Variants in DST observed in about 807,000 individuals in gnomAD.
DST encodes dystonin, also known as bullous pemphigoid antigen.
DST carries 253 observed loss-of-function variants against 875.2 expected under a neutral mutation model. The observed-to-expected ratio is 0.29, with a 90% CI of 0.26 to 0.32. DST has a LOEUF of 0.32. Among genes scored for constraint, DST ranks in the 10% least tolerant of loss-of-function variants. The pLI is 1.00. For synonymous variants in DST, 3,124 were observed against 3,197.1 expected (o/e 0.98, Z 0.77); for missense variants, 8,287 against 9,111.6 (o/e 0.91, Z 3.68).
intron 4 of DST, among the ~76,000 whole-genome samples, chr6:56,739,447 T>C (rs1351741930): frequency 6.6e-6 from 1 of 152,132 alleles, no homozygotes; most frequent in Non-Finnish European, 1.5e-5. Context: ...CTCTTCATCC[T>C]AGCATCTATC....
Position 56,553,225 on chromosome 6 carries a change from C to T in DST, c.15567G>A (p.Leu5189=). ...WPWIDKCQNN[L]EEIKFCLDPA... is the part of the protein sequence containing the mutation. The stretch of plus-strand genomic sequence containing the variant: ...GATCCAAGCAAAATTTTATTTCCTC[C>T]AGGTTGTTTTGGCATTTGTCTATCC... Residue 5189 remains leucine (L), a synonymous_variant, in exon 61 of 104, where the codon CTG becomes CTA. Coordinates refer to ENST00000680361, the MANE Select transcript of DST (RefSeq NM_001374736.1). The T allele has an allele frequency of 6.2e-7, 1 of 1,613,876 alleles. No individual in the cohort carries two copies. The highest frequency in any genetic ancestry group is 8.5e-7 in the Non-Finnish European group (1 of 1,179,892).
At chr6:56,572,713 C>T in intron 52 of DST, 34 bp downstream of exon 52, 1 of 1,483,296 alleles carries the variant, frequency 6.7e-7, no homozygotes, top group Non-Finnish European at 9.0e-7. Context: ...ATTAATCTAT[C>T]TGATTAGCCT....
At chr6:56,535,049 G>C in intron 63 of DST, 73 bp downstream of exon 63, 2 of 1,544,018 alleles carry the variant, frequency 1.3e-6, no homozygotes, top group Non-Finnish European at 1.8e-6. Context: ...AATTAAAAGA[G>C]TCACAATTTG....
At chr6:56,481,483 T>G (rs943890252) in intron 90 of DST, among the ~76,000 whole-genome samples, 1 of 152,250 alleles carries the variant, frequency 6.6e-6, no homozygotes, top group Non-Finnish European at 1.5e-5. Context: ...CAATAGAATA[T>G]TGGCTTATGA....
At chr6:56,774,921 G>A (rs2099675222) in intron 4 of DST, among the ~76,000 whole-genome samples, 1 of 151,344 alleles carries the variant, frequency 6.6e-6, no homozygotes, top group Admixed American at 6.6e-5. Flanking sequence ...GAACCCGGGA[G>A]GCAGAGGTTG....
chr6:56,467,718 T>C (rs1308523021), intron 98 of DST, among the ~76,000 whole-genome samples: 1 of 152,142 alleles, frequency 6.6e-6, no homozygotes, highest in African/African-American at 2.4e-5. Flanking sequence ...TCAAGTGTAA[T>C]GAATACAAAT....
intron 4 of DST, chr6:56,843,174 A>T (rs759293823): frequency 6.5e-7 from 1 of 1,535,776 alleles, no homozygotes; most frequent in South Asian, 1.3e-5. Context: ...GATGACTGAC[A>T]AATTCCCCTC....
chr6:56,773,645 A>C lies in DST; in HGVS notation c.626-38356T>G, dbSNP rs187421872. Among the ~76,000 whole-genome samples the C allele has an allele frequency of 9.2e-5, 14 of 152,302 alleles. 1 individual carries two copies. In the East Asian group the frequency reaches 2.7e-3, roughly 29 times the overall value. On this transcript the variant is annotated intron_variant, in intron 4 of 103. Transcript: ENST00000680361. Reference sequence around the variant, plus strand: ...TGCTGCCATGTGAGTATGTGGGCCCAGTGTTGCCAGATCACCTGCTTTTAT... The same window carrying C: ...TGCTGCCATGTGAGTATGTGGGCCCCGTGTTGCCAGATCACCTGCTTTTAT...
chr6:56,818,993 T>C (rs896761749), intron 4 of DST, among the ~76,000 whole-genome samples: 12 of 152,246 alleles, frequency 7.9e-5, no homozygotes, highest in African/African-American at 2.6e-4. Context: ...TTCCCACCTT[T>C]ACCCTTACTG....
chr6:56,909,089 C>T (rs1797757975), intron 2 of DST, among the ~76,000 whole-genome samples: 1 of 152,120 alleles, frequency 6.6e-6, no homozygotes, highest in Admixed American at 6.5e-5. Flanking sequence ...ATCCAAGAAC[C>T]CTCTCTGGGG....
chr6:56,819,094 T>C (rs558829192), intron 4 of DST, among the ~76,000 whole-genome samples: 1 of 152,298 alleles, frequency 6.6e-6, no homozygotes, highest in African/African-American at 2.4e-5. Flanking sequence ...ACACTTCCTT[T>C]AAGCCATTTC....
intron 43 of DST, among the ~76,000 whole-genome samples, chr6:56,602,624 TAA>T (rs1204116721): frequency 6.6e-6 from 1 of 151,922 alleles, no homozygotes; most frequent in Non-Finnish European, 1.5e-5. Flanking sequence ...GACTAACACA[TAA>T]ATAAATATAT....
chr6:56,712,878 T>C (rs1327728462), intron 5 of DST, among the ~76,000 whole-genome samples: 33 of 152,348 alleles, frequency 2.2e-4, no homozygotes, highest in South Asian at 2.1e-4. Context: ...TCCTCCCAGC[T>C]AATGACTCTC....
chr6:56,811,183 CAAAAAAAAAA>C (rs371256050), intron 4 of DST, among the ~76,000 whole-genome samples: 8 of 33,332 alleles, frequency 2.4e-4, no homozygotes, highest in Admixed American at 9.2e-4. Flanking sequence ...GACCCTGTCT[CAAAAAAAAAA>C]AAAAAAAAAA....
Position 56,824,219 on chromosome 6 carries a change from C to T in DST, c.625+27178G>A, listed in dbSNP as rs772120871. Among the ~76,000 whole-genome samples the T allele has an allele frequency of 3.3e-5, 5 of 152,220 alleles. No homozygotes were observed. The East Asian group carries it at 5.8e-4, about 18-fold the overall frequency. On this transcript the variant is annotated intron_variant, in intron 4 of 103. Coordinates refer to ENST00000680361, the MANE Select transcript of DST (RefSeq NM_001374736.1). The stretch of plus-strand genomic sequence containing the variant: ...GGAGACAGGGTTTCGCTTTGTTGGC[C>T]GGGCTGGTCTCCAGCTCCTAACCGC...
chr6:56,547,918 T>C (rs944616378), intron 61 of DST, among the ~76,000 whole-genome samples: 1 of 152,224 alleles, frequency 6.6e-6, no homozygotes, highest in African/African-American at 2.4e-5. Flanking sequence ...CTGCTCAATG[T>C]AATTCTATGT....
intron 4 of DST, among the ~76,000 whole-genome samples, chr6:56,832,117 T>C (rs2099787846): frequency 6.6e-6 from 1 of 152,204 alleles, no homozygotes; most frequent in Non-Finnish European, 1.5e-5. Context: ...AGTCCTGCTT[T>C]AGACCTTCCA....
intron 59 of DST, among the ~76,000 whole-genome samples, chr6:56,556,342 G>A (rs1302893119): frequency 2.6e-5 from 4 of 152,062 alleles, no homozygotes; most frequent in Non-Finnish European, 1.5e-5. Context: ...TATTATAAAG[G>A]TTTTAGTCAA....
intron 71 of DST, 32 bp downstream of exon 71, chr6:56,517,166 G>T: frequency 6.7e-7 from 1 of 1,493,706 alleles, no homozygotes; most frequent in Non-Finnish European, 9.3e-7. Flanking sequence ...TTTTTCAAGA[G>T]TCCCACTACC....
Sources: allele counts gnomAD v4.1 joint callset (sites outside exome capture counted in the v4.1 genomes callset), GRCh38; gene constraint gnomAD v4.1.1; transcripts MANE v1.5; gene names NCBI Gene and HGNC (gene_info 2026-07-23, HGNC 2026-07-21).